INO80: variants seen among roughly 807,000 people sequenced by gnomAD.
INO80 encodes chromatin-remodeling ATPase INO80.
INO80 carries 20 observed loss-of-function variants against 203.4 expected under a neutral mutation model. That is an observed-to-expected ratio of 0.10 (90% confidence interval 0.07 to 0.14). The LOEUF is 0.14. INO80 is among the 10% of genes least tolerant of loss of function. The pLI is 1.00. For synonymous variants in INO80, 726 were observed against 685.2 expected (o/e 1.06, Z -0.93); for missense variants, 1,419 against 1,914.4 (o/e 0.74, Z 4.83).
At chr15:41,060,585 CAT>C (rs2045086380) in intron 14 of INO80, among the ~76,000 whole-genome samples, 1 of 151,232 alleles carries the variant, frequency 6.6e-6, no homozygotes, top group South Asian at 2.1e-4. Flanking sequence ...AGATGTAAGA[CAT>C]AGAGAACAAA....
Position 40,998,385 on chromosome 15 carries a change from C to G in INO80, c.3498-784G>C, listed in dbSNP as rs150831672. 3.9e-3 allele frequency among the ~76,000 whole-genome samples: 600 copies of G among 152,094 alleles called. 8 individuals carry two copies. The highest frequency in any genetic ancestry group is 0.014 in the African/African-American group (577 of 41,506). ...GAAAAATGACTCAAATAACTAAGAC[C>G]CAGGCTGTGACTTTTATGTGCTAAC... On this transcript the variant is annotated intron_variant, in intron 28 of 35. Coordinates refer to ENST00000648947, the MANE Select transcript of INO80 (RefSeq NM_017553.3).
chr15:41,055,509 T>G lies in INO80; in HGVS notation c.2071-145A>C, dbSNP rs986650181. On this transcript the variant is annotated intron_variant, in intron 17 of 35. Transcript: ENST00000648947. ...GTGTGAATGAAAGACAGAAAATGAA[T>G]GAATTCAACTACATTCTTGCCTCAT... 4.7e-5 allele frequency: 19 copies of G among 400,586 alleles called. No homozygotes were observed. In the South Asian group the frequency reaches 8.1e-4, roughly 17 times the overall value. The allele number at this position is 400,586 out of a possible 1,614,324, so 24.8% of individuals were successfully genotyped here. A position where few individuals can be genotyped will look rare whatever the true frequency, so the allele number is the denominator to read the frequency against.
At chr15:41,020,418 T>C (rs191292179) in intron 26 of INO80, among the ~76,000 whole-genome samples, 2 of 152,286 alleles carry the variant, frequency 1.3e-5, no homozygotes, top group Admixed American at 6.5e-5. Context: ...ACCCCCGACT[T>C]TGACCCTAGG....
chr15:41,077,214 CTTTAT>C (rs1281180927), intron 9 of INO80, among the ~76,000 whole-genome samples: 2 of 109,524 alleles, frequency 1.8e-5, no homozygotes, highest in Non-Finnish European at 3.4e-5. Context: ...GCCTTGTTTG[CTTTAT>C]TTTTTTTTTT....
Position 41,050,199 on chromosome 15 carries a change from T to C in INO80, c.2275-97A>G, listed in dbSNP as rs796771796. 23 of 785,872 alleles carry C rather than the reference T, an allele frequency of 2.9e-5. No homozygotes were observed. The African/African-American group carries it at 3.5e-4, about 12-fold the overall frequency. The allele number at this position is 785,872 out of a possible 1,614,324, so 48.7% of individuals were successfully genotyped here. On this transcript the variant is annotated intron_variant, in intron 19 of 35. Coordinates refer to ENST00000648947, the MANE Select transcript of INO80 (RefSeq NM_017553.3). ...AAAACACACACAAACCATATTATGATTGAGAATAAACATATGTGAACTCAG... is the reference window on the plus strand; with the variant it reads ...AAAACACACACAAACCATATTATGACTGAGAATAAACATATGTGAACTCAG...
chr15:41,074,221 A>C, intron 10 of INO80, 149 bp downstream of exon 10: 1 of 488,332 alleles, frequency 2.0e-6, no homozygotes, highest in Admixed American at 3.7e-5. Flanking sequence ...TGTTATAGAA[A>C]CACACTTTCC....
chr15:41,036,138 A>T (rs1263219866), intron 24 of INO80, among the ~76,000 whole-genome samples: 1 of 126,710 alleles, frequency 7.9e-6, no homozygotes, highest in Non-Finnish European at 1.6e-5. Context: ...CCTGGGCAAC[A>T]GAGTGCAACT....
At chr15:41,095,719 G>A (rs776350592) in intron 3 of INO80, 40 bp downstream of exon 3, 27 of 1,609,856 alleles carry the variant, frequency 1.7e-5, no homozygotes, top group Non-Finnish European at 2.3e-5. Context: ...ACTGCCCCAA[G>A]ATAACGATAG....
chr15:41,001,984 G>A (rs769316130), intron 28 of INO80, among the ~76,000 whole-genome samples: 1 of 152,096 alleles, frequency 6.6e-6, no homozygotes, highest in African/African-American at 2.4e-5. Context: ...AGCATTTTCC[G>A]CCCTTTGGAG....
intron 24 of INO80, among the ~76,000 whole-genome samples, chr15:41,035,001 G>A (rs1333067517): frequency 6.6e-6 from 1 of 152,226 alleles, no homozygotes; most frequent in Admixed American, 6.5e-5. Context: ...AAGAGTTTAT[G>A]AGTAAAGAAT....
intron 30 of INO80, 103 bp downstream of exon 30, chr15:40,987,713 C>T: frequency 8.9e-7 from 1 of 1,118,956 alleles, no homozygotes; most frequent in Non-Finnish European, 1.3e-6. Context: ...TTCGTCAGGA[C>T]CAATGAAAGG....
intron 9 of INO80, among the ~76,000 whole-genome samples, chr15:41,076,732 A>G (rs2045408878): frequency 6.6e-6 from 1 of 152,136 alleles, no homozygotes; most frequent in Admixed American, 6.6e-5. Flanking sequence ...ACAGAGTAAG[A>G]TATCACTTTT....
At chr15:41,065,018 A>G (rs2045184636) in intron 14 of INO80, among the ~76,000 whole-genome samples, 1 of 151,960 alleles carries the variant, frequency 6.6e-6, no homozygotes. Flanking sequence ...GTAGAAAAAG[A>G]GTGCAGTGTG....
At chr15:41,101,963 G>A (rs1413667678) in intron 1 of INO80, among the ~76,000 whole-genome samples, 1 of 152,004 alleles carries the variant, frequency 6.6e-6, no homozygotes, top group African/African-American at 2.4e-5. Flanking sequence ...AGGCTGAGAC[G>A]AGCAGATTAC....
At chr15:41,020,859 G>T in intron 26 of INO80, 41 bp downstream of exon 26, 2 of 1,313,346 alleles carry the variant, frequency 1.5e-6, no homozygotes, top group Non-Finnish European at 1.1e-6. Context: ...TTCTCCCCTT[G>T]CCAAAGCGAG....
chr15:40,997,321 A>G (rs567259547), intron 29 of INO80, among the ~76,000 whole-genome samples: 1 of 152,192 alleles, frequency 6.6e-6, no homozygotes, highest in African/African-American at 2.4e-5. Context: ...AATGAATAGT[A>G]AAGTCCATAA....
At chr15:40,983,279 C>CCTAA in intron 34 of INO80, 1 of 569,020 alleles carries the variant, frequency 1.8e-6, no homozygotes, top group South Asian at 2.1e-5. Context: ...ATGAAAACAT[C>CCTAA]CTAACTCCTC....
intron 7 of INO80, among the ~76,000 whole-genome samples, 168 bp downstream of exon 7, chr15:41,085,201 A>G (rs1012678157): frequency 2.6e-5 from 4 of 152,234 alleles, no homozygotes; most frequent in Non-Finnish European, 4.4e-5. Flanking sequence ...ACATTCTAGA[A>G]GAAACTGTTA....
rs748202532 is a variant in INO80 at position 41,056,655 on chromosome 15, T to G, written c.2037A>C (p.Leu679=). 4.9e-5 allele frequency: 79 copies of G among 1,614,052 alleles called. No homozygotes were observed. The highest frequency in any genetic ancestry group is 6.7e-5 in the Non-Finnish European group (79 of 1,179,992). The change falls in exon 17 of 36, where the codon CTA becomes CTC. Residue 679 remains leucine (L), a synonymous_variant. Coordinates refer to ENST00000648947, the MANE Select transcript of INO80 (RefSeq NM_017553.3). ...LQFQCRNRLL[L]TGTPIQNTMA... is the part of the protein sequence containing the mutation. ...TGGTGTTCTGAATTGGGGTCCCGGT[T>G]AGCAAAAGCCGATTCCGACACTGGA...
Sources: gnomAD v4.1 joint callset for allele counts (sites outside exome capture counted in the v4.1 genomes callset) on GRCh38, gnomAD v4.1.1 for gene constraint, MANE v1.5 for transcripts, NCBI Gene and HGNC (gene_info 2026-07-23, HGNC 2026-07-21) for gene names.